DNAH14: variants seen among roughly 807,000 people sequenced by gnomAD.
DNAH14 encodes the protein axonemal beta dynein heavy chain 14.
In DNAH14, 478 loss-of-function variants were observed where a neutral mutation model predicts 520.9. The ratio of observed to expected loss-of-function variants is 0.92; its 90% CI spans 0.85 to 0.99. The LOEUF (loss-of-function observed/expected upper bound fraction) is 0.99. Ranked by LOEUF, DNAH14 falls within the 50% of genes least tolerant of loss-of-function variation. DNAH14 has a pLI of 0.00. For synonymous variants in DNAH14, 1,581 were observed against 1,757.2 expected (o/e 0.90, Z 2.51); for missense variants, 4,831 against 5,234.5 (o/e 0.92, Z 2.38).
At chr1:225,206,620 A>G (rs189247148) in intron 40 of DNAH14, among the ~76,000 whole-genome samples, 94 of 152,334 alleles carry the variant, frequency 6.2e-4, no homozygotes, top group African/African-American at 2.2e-3. Context: ...GTTATTAGCT[A>G]TAATTAACCC....
chr1:225,298,666 T>A (rs1405599747), intron 55 of DNAH14, among the ~76,000 whole-genome samples: 2 of 152,022 alleles, frequency 1.3e-5, no homozygotes, highest in African/African-American at 4.8e-5. Context: ...GAGGTACCTC[T>A]GGTCTCAAGA....
At chr1:225,034,808 G>A (rs1249787490) in intron 11 of DNAH14, among the ~76,000 whole-genome samples, 2 of 152,072 alleles carry the variant, frequency 1.3e-5, no homozygotes, top group African/African-American at 4.8e-5. Context: ...TTGTGAGGGC[G>A]TATGTGTCTA....
chr1:225,273,151 G>GCCCTCTCCCTCTCCCC, intron 52 of DNAH14, 26 bp downstream of exon 52: 1 of 1,533,668 alleles, frequency 6.5e-7, no homozygotes, highest in Admixed American at 2.0e-5. Context: ...AAAAATTATT[G>GCCCTCTCCCTCTCCCC]GCCGGGTGTG....
intron 21 of DNAH14, among the ~76,000 whole-genome samples, chr1:225,089,442 C>CAAAAAAAAA (rs1169182387): frequency 1.3e-4 from 4 of 29,896 alleles, no homozygotes; most frequent in Non-Finnish European, 1.9e-4. Context: ...AAAACTCCGT[C>CAAAAAAAAA]AAAAAAAAAA....
chr1:224,950,038 A>G (rs1048439467), intron 1 of DNAH14, among the ~76,000 whole-genome samples: 2 of 152,142 alleles, frequency 1.3e-5, no homozygotes, highest in African/African-American at 4.8e-5. Flanking sequence ...AGGAAAGCAA[A>G]TCACTTATGC....
rs181105903 is a variant in DNAH14, at chr1:225,250,699, G to A, written c.6749-1602G>A. ...AGTCACAGGGCAGACGGAGAAAGGG[G>A]AACTGTGGGCAAGTACCTTTATTGT... On this transcript the variant is annotated intron_variant, in intron 43 of 85. Coordinates refer to ENST00000682510, the MANE Select transcript of DNAH14 (RefSeq NM_001367479.1). 248 of 551,808 alleles carry A rather than the reference G, an allele frequency of 4.5e-4. 2 individuals carry two copies. The highest frequency in any genetic ancestry group is 3.6e-3 in the African/African-American group (185 of 51,214). 34.2% of individuals were successfully genotyped at this position (551,808 alleles called of 1,614,324 possible). A position where few individuals can be genotyped will look rare whatever the true frequency, so the allele number is the denominator to read the frequency against.
intron 48 of DNAH14, 145 bp downstream of exon 48, chr1:225,265,514 T>A: frequency 1.6e-6 from 1 of 628,472 alleles, no homozygotes; most frequent in Non-Finnish European, 2.5e-6. Flanking sequence ...ACAGAAACTT[T>A]GATTTTCAGA....
At position 225,240,624 on chromosome 1, in the gene DNAH14, C is replaced by T; in HGVS notation, c.6550C>T (p.Pro2184Ser). 6.5e-7 allele frequency: 1 copy of T among 1,550,284 alleles called. No homozygotes were observed. Among genetic ancestry groups the T allele is most frequent in the Non-Finnish European group, 8.7e-7 (1 of 1,146,162 alleles). ...DENTWYPEKN[P>S]DKLTKIIQKL... ...AAATACATGGTATCCAGAGAAAAAT[C>T]CTGATAAATTAACAAAAATTATTCA... Residue 2184 changes from proline (P) to serine (S), a missense_variant, in exon 43 of 86, where the codon CCT (proline) becomes TCT (serine). Physicochemically the swap from Pro to Ser is moderately conservative, Grantham distance 74 (BLOSUM62 -1). Coordinates refer to ENST00000682510, the MANE Select transcript of DNAH14 (RefSeq NM_001367479.1).
chr1:225,335,650 T>C (rs1337359230), intron 66 of DNAH14, among the ~76,000 whole-genome samples: 1 of 134,982 alleles, frequency 7.4e-6, no homozygotes, highest in Non-Finnish European at 1.6e-5. Flanking sequence ...TATATGTATA[T>C]ACGCATATAT....
At chr1:225,084,439 C>G (rs1194870779) in intron 20 of DNAH14, among the ~76,000 whole-genome samples, 1 of 152,028 alleles carries the variant, frequency 6.6e-6, no homozygotes, top group Non-Finnish European at 1.5e-5. Context: ...TGCTGCAAAA[C>G]TTTCCAAGAT....
Position 225,085,660 on chromosome 1 carries a change from A to C in DNAH14, c.3444A>C (p.Leu1148Phe). 6.4e-7 allele frequency: 1 copy of C among 1,551,334 alleles called. No homozygotes were observed. Among genetic ancestry groups the C allele is most frequent in the Non-Finnish European group, 8.7e-7 (1 of 1,146,778 alleles). Residue 1148 changes from leucine (L) to phenylalanine (F), a missense_variant, in exon 21 of 86, where the codon TTA becomes TTC. Coordinates refer to ENST00000682510, the MANE Select transcript of DNAH14 (RefSeq NM_001367479.1). ...TTTGGAACACTACTCCTTTGCCTTT[A>C]ATTCTTCACCACACAGAGATTTACT... ...IDFWNTTPLPLILHHTEIYSI... is the reference protein window; with the variant it reads ...IDFWNTTPLPFILHHTEIYSI...
chr1:225,051,348 A>G (rs2148313118), intron 16 of DNAH14, 103 bp from the exon 17 acceptor site: 4 of 821,032 alleles, frequency 4.9e-6, no homozygotes, highest in Admixed American at 3.6e-5. Context: ...TAAACTCCAC[A>G]TAGCACTATT....
At chr1:225,028,070 C>T (rs563542711) in intron 11 of DNAH14, among the ~76,000 whole-genome samples, 2 of 152,084 alleles carry the variant, frequency 1.3e-5, no homozygotes, top group Admixed American at 6.6e-5. Flanking sequence ...CATCTATATT[C>T]GTAAAGGACA....
intron 43 of DNAH14, among the ~76,000 whole-genome samples, chr1:225,241,052 A>G (rs1398142580): frequency 6.6e-6 from 1 of 152,184 alleles, no homozygotes; most frequent in African/African-American, 2.4e-5. Flanking sequence ...GCAGAAGATA[A>G]AGCCATAAAA....
intron 23 of DNAH14, among the ~76,000 whole-genome samples, chr1:225,104,370 G>A (rs1005306295): frequency 6.6e-6 from 1 of 152,110 alleles, no homozygotes; most frequent in African/African-American, 2.4e-5. Context: ...TCTCTGTCAG[G>A]CTTTAGTATC....
At chr1:225,009,130 A>G (rs1418215700) in intron 10 of DNAH14, among the ~76,000 whole-genome samples, 1 of 152,092 alleles carries the variant, frequency 6.6e-6, no homozygotes, top group Non-Finnish European at 1.5e-5. Flanking sequence ...CCATTTGTCA[A>G]TTTTGGCTTT....
At chr1:225,146,916 G>A (rs2080001614) in intron 30 of DNAH14, among the ~76,000 whole-genome samples, 188 bp from the exon 31 acceptor site, 1 of 152,172 alleles carries the variant, frequency 6.6e-6, no homozygotes, top group Non-Finnish European at 1.5e-5. Flanking sequence ...AAAAGGCAGA[G>A]TAGTTGACTT....
chr1:225,025,307 G>T (rs2066015770), intron 11 of DNAH14, among the ~76,000 whole-genome samples: 1 of 147,762 alleles, frequency 6.8e-6, no homozygotes, highest in African/African-American at 2.5e-5. Context: ...ACTCCAGCCT[G>T]GTCAACAGAG....
intron 60 of DNAH14, among the ~76,000 whole-genome samples, chr1:225,308,946 T>G (rs1197025236): frequency 1.3e-5 from 2 of 152,190 alleles, no homozygotes; most frequent in Admixed American, 1.3e-4. Flanking sequence ...TTGTCTTCCA[T>G]GTACAAAGGT....
Sources: allele counts gnomAD v4.1 joint callset (sites outside exome capture counted in the v4.1 genomes callset), GRCh38; gene constraint gnomAD v4.1.1; transcripts MANE v1.5; gene names NCBI Gene and HGNC (gene_info 2026-07-23, HGNC 2026-07-21).